The following KYNU variants were observed in gnomAD, a reference collection of about 807,000 sequenced individuals.
The protein encoded by KYNU is L-kynurenine hydrolase.
In KYNU, 54 loss-of-function variants were observed where a neutral mutation model predicts 59.2. That is an observed-to-expected ratio of 0.91 (90% CI 0.73 to 1.14). The LOEUF (loss-of-function observed/expected upper bound fraction) is 1.14. Ranked by LOEUF, KYNU falls within the 50% of genes most tolerant of loss-of-function variation. KYNU has a pLI of 0.00. For missense variants in KYNU, 567 were observed against 554.4 expected, an observed-to-expected ratio of 1.02 and a Z score of -0.23; for synonymous variants, 177 against 192.0, an observed-to-expected ratio of 0.92 and a Z score of 0.65.
chr2:142,988,455 T>C (rs1685289123), intron 10 of KYNU, among the ~76,000 whole-genome samples: 1 of 152,070 alleles, frequency 6.6e-6, no homozygotes. Context: ...CTTGGAGATA[T>C]AATCTCTCTT....
intron 11 of KYNU, 131 bp from the exon 12 acceptor site, chr2:143,033,105 T>G (rs954809597): frequency 1.3e-6 from 1 of 755,374 alleles, no homozygotes; most frequent in African/African-American, 1.7e-5. Flanking sequence ...GGAGCTTATC[T>G]TAAATATCTC....
rs566288668 is a variant in KYNU, at chr2:143,001,490, A to G, written c.902+15469A>G. Among the ~76,000 whole-genome samples the G allele has an allele frequency of 5.3e-5, 8 of 152,334 alleles. No homozygotes were observed. In the South Asian group the frequency reaches 1.7e-3, roughly 32 times the overall value. ...AATAGATATAGAGCCCTTAGTAACA[A>G]GTATCAACTGTAGAGTTGTTAAACC... is the stretch of plus-strand genomic sequence containing the variant. On this transcript the variant is annotated intron_variant, in intron 10 of 13. Transcript: ENST00000264170.
chr2:142,991,619 C>T (rs1264009676), intron 10 of KYNU, among the ~76,000 whole-genome samples: 8 of 151,986 alleles, frequency 5.3e-5, no homozygotes, highest in Middle Eastern at 3.4e-3. Flanking sequence ...CCTCCCACAT[C>T]TCTAAACTTC....
chr2:142,923,993 T>C (rs1180239471), intron 3 of KYNU, among the ~76,000 whole-genome samples: 1 of 152,216 alleles, frequency 6.6e-6, no homozygotes, highest in African/African-American at 2.4e-5. Flanking sequence ...TCATTTAATT[T>C]AAGGATTTCT....
intron 3 of KYNU, among the ~76,000 whole-genome samples, chr2:142,925,817 C>T (rs1683031100): frequency 6.6e-6 from 1 of 152,160 alleles, no homozygotes; most frequent in Non-Finnish European, 1.5e-5. Context: ...AGCCCACCAG[C>T]ACCAGTTTAC....
At chr2:143,019,907 A>G (rs1686359939) in intron 10 of KYNU, among the ~76,000 whole-genome samples, 1 of 151,694 alleles carries the variant, frequency 6.6e-6, no homozygotes, top group South Asian at 2.1e-4. Context: ...AGGTTTTTCA[A>G]CTTGTTGCAT....
chr2:142,903,274 G>A (rs764804161), intron 2 of KYNU, among the ~76,000 whole-genome samples: 20 of 152,082 alleles, frequency 1.3e-4, no homozygotes, highest in South Asian at 2.1e-4. Context: ...GAACACGACG[G>A]GCATTATTTG....
At chr2:142,929,188 A>G (rs549198644) in intron 4 of KYNU, among the ~76,000 whole-genome samples, 28 of 151,816 alleles carry the variant, frequency 1.8e-4, no homozygotes, top group Middle Eastern at 3.4e-3. Context: ...TTAGGACTGA[A>G]CACATGCATG....
intron 11 of KYNU, among the ~76,000 whole-genome samples, chr2:143,032,570 C>T (rs747218894): frequency 1.3e-5 from 2 of 152,210 alleles, no homozygotes; most frequent in Non-Finnish European, 2.9e-5. Flanking sequence ...ATAGTGTTAA[C>T]TTATCTCTGA....
At position 143,050,610 on chromosome 2, in the gene KYNU, GT is replaced by G. The variant is rs774866314; in HGVS notation, c.*8445del. On this transcript the variant is annotated 3_prime_UTR_variant, in exon 14 of 14. Coordinates refer to ENST00000264170, the MANE Select transcript of KYNU (RefSeq NM_003937.3). ...TGGGGCTATTACAATATATAGGGCTGTTTTTTTAAAACTAATTATATTTATT... is the reference window on the plus strand; with the variant it reads ...TGGGGCTATTACAATATATAGGGCTGTTTTTTAAAACTAATTATATTTATT... The G allele has an allele frequency of 6.6e-6, 1 of 151,970 alleles. No individual in the cohort carries two copies. Among genetic ancestry groups the G allele is most frequent in the Admixed American group, 6.6e-5 (1 of 15,240 alleles). The allele number at this position is 151,970 out of a possible 1,614,324, so 9.4% of individuals were successfully genotyped here. A position where few individuals can be genotyped will look rare whatever the true frequency, so the allele number is the denominator to read the frequency against.
At chr2:142,899,266 C>T (rs994089383) in intron 2 of KYNU, among the ~76,000 whole-genome samples, 4 of 152,114 alleles carry the variant, frequency 2.6e-5, no homozygotes, top group African/African-American at 7.2e-5. Context: ...GTTTATATCC[C>T]GATCATTGTC....
At position 143,046,070 on chromosome 2, in the gene KYNU, A is replaced by G. The variant is rs1008508544; in HGVS notation, c.*3898A>G. ...AGTATATAAACATATCATGGAAAACATAATCAGCACCATGTACTCAACACC... is the reference window on the plus strand; with the variant it reads ...AGTATATAAACATATCATGGAAAACGTAATCAGCACCATGTACTCAACACC... On this transcript the variant is annotated 3_prime_UTR_variant, in exon 14 of 14. Coordinates refer to ENST00000264170, the MANE Select transcript of KYNU (RefSeq NM_003937.3). The G allele has an allele frequency of 2.0e-5, 3 of 152,196 alleles. No homozygotes were observed. The highest frequency in any genetic ancestry group is 7.2e-5 in the African/African-American group (3 of 41,462). The allele number at this position is 152,196 out of a possible 1,614,324, so 9.4% of individuals were successfully genotyped here.
At chr2:142,959,508 C>T (rs1460820224) in intron 7 of KYNU, among the ~76,000 whole-genome samples, 2 of 151,572 alleles carry the variant, frequency 1.3e-5, no homozygotes, top group Non-Finnish European at 2.9e-5. Flanking sequence ...ATCACTTGAA[C>T]CTGGGAGGTG....
Position 142,948,003 on chromosome 2 carries a change from C to A in KYNU, c.374-6807C>A, listed in dbSNP as rs1422487583. The A allele has an allele frequency of 3.9e-5, 6 of 152,194 alleles. No individual in the cohort carries two copies. In the East Asian group the frequency reaches 1.2e-3, roughly 29 times the overall value. The allele number at this position is 152,194 out of a possible 1,614,324, so 9.4% of individuals were successfully genotyped here. A position where few individuals can be genotyped will look rare whatever the true frequency, so the allele number is the denominator to read the frequency against. On this transcript the variant is annotated intron_variant, in intron 4 of 13. Transcript: ENST00000264170. ...TACAAAGAGTAGTTGCCTCTATTTT[C>A]TCAATTGAAATGACCAGATTTTTAA...
rs1231793684 is a variant in KYNU at position 143,028,593 on chromosome 2, C to T, written c.903-1034C>T. Reference sequence around the variant, plus strand: ...AGGCGTGGTGGCTCAGGCCTGTAATCCCAGCACTTTGGGAGGCTGAGGCGG... The same window carrying T: ...AGGCGTGGTGGCTCAGGCCTGTAATTCCAGCACTTTGGGAGGCTGAGGCGG... On this transcript the variant is annotated intron_variant, in intron 10 of 13. Coordinates refer to ENST00000264170, the MANE Select transcript of KYNU (RefSeq NM_003937.3). Among the ~76,000 whole-genome samples the T allele has an allele frequency of 2.3e-4, 35 of 150,708 alleles. No homozygotes were observed. In the East Asian group the frequency reaches 6.5e-3, roughly 28 times the overall value.
At chr2:142,983,491 C>A (rs1215998857) in intron 8 of KYNU, among the ~76,000 whole-genome samples, 1 of 151,966 alleles carries the variant, frequency 6.6e-6, no homozygotes, top group African/African-American at 2.4e-5. Context: ...AGAAGCAGAA[C>A]CATTGATAGA....
intron 10 of KYNU, among the ~76,000 whole-genome samples, chr2:143,018,985 G>A (rs1386170973): frequency 2.0e-5 from 3 of 152,008 alleles, no homozygotes; most frequent in East Asian, 1.9e-4. Context: ...CATTGATTTT[G>A]TGGCCTGAAA....
intron 4 of KYNU, among the ~76,000 whole-genome samples, chr2:142,946,192 T>C (rs1558937008): frequency 6.6e-6 from 1 of 152,092 alleles, no homozygotes; most frequent in Non-Finnish European, 1.5e-5. Flanking sequence ...GGCAATTCTC[T>C]GGCCTCAGCT....
At chr2:142,887,177 A>G (rs1034324183) in intron 2 of KYNU, among the ~76,000 whole-genome samples, 4 of 151,834 alleles carry the variant, frequency 2.6e-5, no homozygotes, top group Admixed American at 6.6e-5. Context: ...CTCAACAACA[A>G]CAACAACAAC....
Sources: allele counts gnomAD v4.1 joint callset (sites outside exome capture counted in the v4.1 genomes callset), GRCh38; gene constraint gnomAD v4.1.1; transcripts MANE v1.5; gene names NCBI Gene and HGNC (gene_info 2026-07-23, HGNC 2026-07-21).